DPH6: variants seen among roughly 807,000 people sequenced by gnomAD.
DPH6 encodes diphthamine biosynthesis 6, also known as diphthine--ammonia ligase.
DPH6 carries 33 observed loss-of-function variants against 38.2 expected under a neutral mutation model. That is an observed-to-expected ratio of 0.86 (90% CI 0.65 to 1.15). DPH6 has a LOEUF of 1.15. DPH6 is among the 50% of genes most tolerant of loss of function. The probability of loss-of-function intolerance (pLI) is 0.00; values close to 1 mark genes in which losing one functional copy is unlikely to be tolerated. For missense variants in DPH6, 325 were observed against 320.0 expected (o/e 1.02, Z -0.12); for synonymous variants, 108 against 103.0 (o/e 1.05, Z -0.30).
the DPH6 span, among the ~76,000 whole-genome samples, chr15:35,163,014 C>T: frequency 5.3e-5 from 8 of 151,932 alleles, no homozygotes; most frequent in African/African-American, 1.9e-4. Flanking sequence ...ATGCTTGCTA[C>T]CATGGCAAAA....
intron 5 of DPH6, among the ~76,000 whole-genome samples, chr15:35,418,467 G>C (rs2141008354): frequency 6.6e-6 from 1 of 152,164 alleles, no homozygotes; most frequent in Middle Eastern, 3.4e-3. Flanking sequence ...TTCCTTGATG[G>C]AAGCTGGGTG....
At chr15:35,253,625 C>A (rs923206194) in intron 3 of DPH6, among the ~76,000 whole-genome samples, 5 of 152,154 alleles carry the variant, frequency 3.3e-5, no homozygotes, top group African/African-American at 4.8e-5. Context: ...TAAAAATATT[C>A]CCACATTTCT....
At chr15:35,324,427 A>C (rs2052266120) in intron 3 of DPH6, among the ~76,000 whole-genome samples, 1 of 152,194 alleles carries the variant, frequency 6.6e-6, no homozygotes, top group African/African-American at 2.4e-5. Context: ...AATACAGATA[A>C]GTGCATCAGT....
chr15:35,339,828 T>G (rs2052406632), intron 3 of DPH6, among the ~76,000 whole-genome samples: 1 of 152,160 alleles, frequency 6.6e-6, no homozygotes, highest in Non-Finnish European at 1.5e-5. Context: ...TTAGAGTAAG[T>G]GTTGTGTGGT....
Position 35,477,908 on chromosome 15 carries a change from A to G in DPH6, c.313-23088T>C, listed in dbSNP as rs1220837198. On this transcript the variant is annotated intron_variant, in intron 3 of 8. Transcript: ENST00000256538. ...AAAAGTTAGCAGTAAATTACCCTGT[A>G]GCTATTATCAATTTCCCAAGCTACT... Among the ~76,000 whole-genome samples, 2 of 151,958 alleles carry G rather than the reference A, an allele frequency of 1.3e-5. 1 individual carries two copies. Among genetic ancestry groups the G allele is most frequent in the Non-Finnish European group, 2.9e-5 (2 of 67,852 alleles).
chr15:35,355,400 G>T (rs1020253995), intron 3 of DPH6, among the ~76,000 whole-genome samples: 2 of 152,098 alleles, frequency 1.3e-5, no homozygotes, highest in Non-Finnish European at 2.9e-5. Flanking sequence ...TTACAATTTG[G>T]CATGTTTTTG....
At chr15:35,299,231 T>C (rs887806917) in intron 3 of DPH6, 2 of 1,194,530 alleles carry the variant, frequency 1.7e-6, no homozygotes, top group Non-Finnish European at 2.5e-6. Flanking sequence ...GCACATGCGG[T>C]GGTGTGTCCA....
intron 3 of DPH6, chr15:35,298,155 C>T: frequency 2.5e-6 from 1 of 396,116 alleles, no homozygotes; most frequent in Admixed American, 3.4e-5. Flanking sequence ...CAGTATGCAA[C>T]AGTCATGGAG....
At chr15:35,442,100 C>T (rs1025246620) in intron 5 of DPH6, among the ~76,000 whole-genome samples, 1 of 150,876 alleles carries the variant, frequency 6.6e-6, no homozygotes, top group African/African-American at 2.4e-5. Flanking sequence ...AAGAGAAAAC[C>T]CACAAAATGG....
chr15:35,272,964 T>C (rs2051832754), intron 3 of DPH6, among the ~76,000 whole-genome samples: 2 of 151,556 alleles, frequency 1.3e-5, no homozygotes, highest in East Asian at 1.9e-4. Flanking sequence ...CTCCCTCTCT[T>C]GCTCCCATGT....
chr15:35,512,146 T>C (rs969023019), intron 3 of DPH6, among the ~76,000 whole-genome samples: 6 of 152,150 alleles, frequency 3.9e-5, no homozygotes, highest in Non-Finnish European at 8.8e-5. Flanking sequence ...AAGTGAAATA[T>C]ACCTAAAATC....
chr15:35,261,240 T>C (rs993392550), intron 3 of DPH6, among the ~76,000 whole-genome samples: 2 of 152,222 alleles, frequency 1.3e-5, no homozygotes, highest in African/African-American at 2.4e-5. Context: ...AGCGTGCCTC[T>C]GAGCACGGTG....
chr15:35,391,761 A>G (rs1341494058), intron 6 of DPH6, among the ~76,000 whole-genome samples: 1 of 152,140 alleles, frequency 6.6e-6, no homozygotes, highest in African/African-American at 2.4e-5. Flanking sequence ...TTGAGTAGGA[A>G]AGGGAATTCC....
At chr15:35,327,045 G>A (rs2052288189), downstream of DPH6, among the ~76,000 whole-genome samples, 1 of 152,156 alleles carries the variant, frequency 6.6e-6, no homozygotes, top group East Asian at 1.9e-4. Context: ...TAAGAGGCAT[G>A]AAGAAGTGAG....
rs79355213 is a variant in DPH6 at position 35,449,275 on chromosome 15, T to C, written c.505+1410A>G. On this transcript the variant is annotated intron_variant, in intron 5 of 8. Coordinates refer to ENST00000256538, the MANE Select transcript of DPH6 (RefSeq NM_080650.4). ...TTGTTACTGAGATGCCAAAGACAAA[T>C]CAGCTCAGTTTTTACATTTTACCCA... is the stretch of plus-strand genomic sequence containing the variant. Among the ~76,000 whole-genome samples the C allele has an allele frequency of 3.3e-3, 506 of 152,146 alleles. 8 individuals are homozygous for C. Among genetic ancestry groups the C allele is most frequent in the African/African-American group, 0.012 (488 of 41,550 alleles).
At chr15:35,193,224 A>G in the DPH6 span, among the ~76,000 whole-genome samples, 2 of 151,578 alleles carry the variant, frequency 1.3e-5, no homozygotes, top group Admixed American at 1.3e-4. Context: ...TTTTTTTTTC[A>G]GATTTCCCCC....
chr15:35,363,540 A>G (rs1168620317), intron 3 of DPH6, among the ~76,000 whole-genome samples: 1 of 152,006 alleles, frequency 6.6e-6, no homozygotes, highest in African/African-American at 2.4e-5. Context: ...CAAAGAGCAT[A>G]GACTTTGGGT....
chr15:35,264,456 A>G (rs1859339073), intron 3 of DPH6, among the ~76,000 whole-genome samples: 1 of 152,220 alleles, frequency 6.6e-6, no homozygotes, highest in African/African-American at 2.4e-5. Context: ...AGCCCTGCAT[A>G]AAGCGTAATG....
At chr15:35,182,398 G>A in the DPH6 span, among the ~76,000 whole-genome samples, 1 of 151,948 alleles carries the variant, frequency 6.6e-6, no homozygotes, top group Admixed American at 6.6e-5. Flanking sequence ...TTGAAGAACT[G>A]GGATAGGTTT....
Sources: allele counts gnomAD v4.1 joint callset (sites outside exome capture counted in the v4.1 genomes callset), GRCh38; gene constraint gnomAD v4.1.1; transcripts MANE v1.5; gene names NCBI Gene and HGNC (gene_info 2026-07-23, HGNC 2026-07-21).